The following KLF8 variants were observed in gnomAD, a reference collection of about 807,000 sequenced individuals.
KLF8 encodes the protein Krueppel-like factor 8.
In KLF8, 10 loss-of-function variants were observed where a neutral mutation model predicts 18.2. That is an observed-to-expected ratio of 0.55 (90% CI 0.34 to 0.93). KLF8 has a LOEUF of 0.93. Ranked by LOEUF, KLF8 falls within the 40% of genes least tolerant of loss-of-function variation. KLF8 has a pLI of 0.02. For synonymous variants in KLF8, 109 were observed against 97.3 expected (o/e 1.12, Z -0.71); for missense variants, 264 against 277.9 (o/e 0.95, Z 0.36).
At chrX:55,938,650 C>T in the KLF8 span, among the ~76,000 whole-genome samples, 1 of 110,751 alleles carries the variant, frequency 9.0e-6, no homozygotes, top group Non-Finnish European at 1.9e-5. Flanking sequence ...CAGAGACACA[C>T]ATAGGCTCAA....
chrX:56,001,103 G>T, the KLF8 span, among the ~76,000 whole-genome samples: 1 of 112,172 alleles, frequency 8.9e-6, no homozygotes, highest in Admixed American at 9.4e-5. Context: ...GCTGCAGTGG[G>T]CACTGATGCT....
At chrX:56,013,999 C>A in the KLF8 span, among the ~76,000 whole-genome samples, 1 of 111,592 alleles carries the variant, frequency 9.0e-6, no homozygotes, top group African/African-American at 3.3e-5. Context: ...ATGGATGAAA[C>A]ACTTAAATGT....
At chrX:56,273,668 T>G (rs1378851278) in intron 5 of KLF8, among the ~76,000 whole-genome samples, 2 of 111,876 alleles carry the variant, frequency 1.8e-5, no homozygotes, top group East Asian at 2.8e-4. Context: ...AGGATCTCAT[T>G]CTCCATGTGT....
the KLF8 span, among the ~76,000 whole-genome samples, chrX:56,189,871 G>A: frequency 5.7e-5 from 4 of 70,091 alleles, no homozygotes; most frequent in African/African-American, 2.2e-4. Flanking sequence ...GGACTGTTGT[G>A]GGGTGGGGGG....
At chrX:56,141,148 G>C in the KLF8 span, among the ~76,000 whole-genome samples, 1 of 111,304 alleles carries the variant, frequency 9.0e-6, no homozygotes, top group Non-Finnish European at 1.9e-5. Context: ...TATATTTTTA[G>C]TAGAGACAGG....
the KLF8 span, among the ~76,000 whole-genome samples, chrX:56,181,602 G>T: frequency 9.0e-6 from 1 of 111,352 alleles, no homozygotes; most frequent in African/African-American, 3.3e-5. Context: ...AGCTGGTACC[G>T]GTTGTTCCTT....
chrX:55,960,564 AAAG>A, the KLF8 span, among the ~76,000 whole-genome samples: 54,821 of 101,982 alleles, frequency 0.54, 13,430 homozygotes, highest in East Asian at 0.77. Context: ...AAGGAGGAGG[AAAG>A]AAGAAGGAGG....
chrX:55,960,108 G>T, the KLF8 span, among the ~76,000 whole-genome samples: 2 of 112,144 alleles, frequency 1.8e-5, no homozygotes, highest in East Asian at 2.8e-4. Flanking sequence ...CTAAAGAAAA[G>T]AAATTTCTAC....
At chrX:56,258,541 C>T (rs1189750083) in intron 2 of KLF8, among the ~76,000 whole-genome samples, 2 of 112,287 alleles carry the variant, frequency 1.8e-5, no homozygotes, top group East Asian at 2.8e-4. Context: ...TCCCAAAGTG[C>T]TGGGATTACA....
the KLF8 span, among the ~76,000 whole-genome samples, chrX:56,004,761 A>G: frequency 8.9e-6 from 1 of 111,893 alleles, no homozygotes; most frequent in Admixed American, 9.5e-5. Flanking sequence ...TCAGGGACAC[A>G]AAGCAGAGTG....
chrX:55,968,503 A>G, the KLF8 span, among the ~76,000 whole-genome samples: 1 of 112,096 alleles, frequency 8.9e-6, no homozygotes, highest in South Asian at 3.7e-4. Context: ...AAAGAAGGTT[A>G]TATGATTTGT....
chrX:56,051,093 C>G, the KLF8 span, among the ~76,000 whole-genome samples: 1 of 110,360 alleles, frequency 9.1e-6, no homozygotes, highest in African/African-American at 3.3e-5. Context: ...ATTGCAACCC[C>G]TGCCTTTTTT....
At chrX:56,243,313 G>C in intron 1 of KLF8, 1 of 369,842 alleles carries the variant, frequency 2.7e-6, no homozygotes, top group Non-Finnish European at 5.0e-6. Context: ...GTGTGGTTGT[G>C]GACACCTTTC....
the KLF8 span, among the ~76,000 whole-genome samples, chrX:56,018,783 TTGTA>T: frequency 7.2e-5 from 8 of 110,948 alleles, no homozygotes; most frequent in African/African-American, 2.6e-4. Flanking sequence ...GGGCATTTGT[TTGTA>T]TGTGTGTGTG....
At chrX:56,173,940 G>T in the KLF8 span, among the ~76,000 whole-genome samples, 1 of 111,958 alleles carries the variant, frequency 8.9e-6, no homozygotes, top group African/African-American at 3.2e-5. Context: ...TTTGCACATT[G>T]ATTTTGTATC....
chrX:56,178,051 G>C, the KLF8 span, among the ~76,000 whole-genome samples: 1 of 112,058 alleles, frequency 8.9e-6, no homozygotes, highest in Non-Finnish European at 1.9e-5. Context: ...GTGCTTCCCA[G>C]ATGAGGTGAT....
the KLF8 span, among the ~76,000 whole-genome samples, chrX:55,988,595 G>A: frequency 6.3e-5 from 7 of 111,551 alleles, no homozygotes; most frequent in African/African-American, 2.3e-4. Flanking sequence ...TGCTGTTTTG[G>A]TTACTGTAGC....
the KLF8 span, among the ~76,000 whole-genome samples, chrX:55,983,685 A>T: frequency 9.0e-6 from 1 of 111,616 alleles, no homozygotes; most frequent in Admixed American, 9.6e-5. Flanking sequence ...TGCATTAATT[A>T]TATAGTGGTG....
chrX:56,068,880 C>A, the KLF8 span, among the ~76,000 whole-genome samples: 1 of 112,385 alleles, frequency 8.9e-6, no homozygotes, highest in African/African-American at 3.2e-5. Context: ...GTAATGCTTG[C>A]TAGAGCTTAT....
Sources: gnomAD v4.1 joint callset for allele counts (sites outside exome capture counted in the v4.1 genomes callset) on GRCh38, gnomAD v4.1.1 for gene constraint, MANE v1.5 for transcripts, NCBI Gene and HGNC (gene_info 2026-07-23, HGNC 2026-07-21) for gene names.